Variants in EXOC4 observed in about 807,000 individuals in gnomAD.
The protein encoded by EXOC4 is SEC8-like 1.
Under a neutral mutation model 107.2 loss-of-function variants are expected in EXOC4, and 71 were observed. That is an observed-to-expected ratio of 0.66 (90% CI 0.55 to 0.81). The LOEUF is 0.81. EXOC4 is among the 30% of genes least tolerant of loss of function. EXOC4 has a pLI of 0.00. For missense variants in EXOC4, 1,108 were observed against 1,189.6 expected, an observed-to-expected ratio of 0.93 and a Z score of 1.01; for synonymous variants, 456 against 441.2, an observed-to-expected ratio of 1.03 and a Z score of -0.42.
At chr7:133,758,957 A>C (rs1372224835) in intron 10 of EXOC4, among the ~76,000 whole-genome samples, 1 of 152,118 alleles carries the variant, frequency 6.6e-6, no homozygotes. Flanking sequence ...AAAATGCTGA[A>C]ATTTTGAGGT....
At position 133,622,079 on chromosome 7, in the gene EXOC4, A is replaced by G. The variant is rs955542096; in HGVS notation, c.1418-7966A>G. ...AACCTTGCACTCCTGGACTCAAGCTATCTTCCTGCCTCAGCCTCCCAAGTA... is the reference window on the plus strand; with the variant it reads ...AACCTTGCACTCCTGGACTCAAGCTGTCTTCCTGCCTCAGCCTCCCAAGTA... On this transcript the variant is annotated intron_variant, in intron 9 of 17. Transcript: ENST00000253861. Among the ~76,000 whole-genome samples, 3 of 152,208 alleles carry G rather than the reference A, an allele frequency of 2.0e-5. No homozygotes were observed. In the South Asian group the frequency reaches 6.2e-4, roughly 32 times the overall value.
At chr7:133,932,906 GACC>G (rs1800211713) in intron 13 of EXOC4, among the ~76,000 whole-genome samples, 1 of 127,770 alleles carries the variant, frequency 7.8e-6, no homozygotes, top group African/African-American at 3.5e-5. Context: ...TGGGGAATAG[GACC>G]AGGAGAGAGA....
chr7:133,742,763 C>T (rs1431723083), intron 10 of EXOC4, among the ~76,000 whole-genome samples: 3 of 152,170 alleles, frequency 2.0e-5, no homozygotes, highest in African/African-American at 4.8e-5. Flanking sequence ...AAAGGGAACA[C>T]ATGTAGCTCG....
intron 12 of EXOC4, among the ~76,000 whole-genome samples, chr7:133,903,358 A>T (rs1004743535): frequency 6.6e-6 from 1 of 152,216 alleles, no homozygotes; most frequent in African/African-American, 2.4e-5. Flanking sequence ...GACCACCTAA[A>T]GGCCACAGTG....
intron 17 of EXOC4, among the ~76,000 whole-genome samples, chr7:134,044,939 G>T (rs1269020187): frequency 6.6e-6 from 1 of 152,170 alleles, no homozygotes; most frequent in Non-Finnish European, 1.5e-5. Context: ...GGGAGGTAGG[G>T]TATGATAGTG....
At chr7:133,929,820 C>T (rs1800136559) in intron 13 of EXOC4, among the ~76,000 whole-genome samples, 1 of 152,088 alleles carries the variant, frequency 6.6e-6, no homozygotes, top group South Asian at 2.1e-4. Flanking sequence ...CTCTCTCTTC[C>T]TTCCTCCTAA....
intron 9 of EXOC4, among the ~76,000 whole-genome samples, chr7:133,514,671 C>T (rs1297394409): frequency 6.6e-6 from 1 of 152,000 alleles, no homozygotes; most frequent in African/African-American, 2.4e-5. Flanking sequence ...CAAGATGTAC[C>T]AGAGTTCTTA....
intron 10 of EXOC4, among the ~76,000 whole-genome samples, chr7:133,712,587 A>G (rs1440924338): frequency 6.6e-6 from 1 of 152,020 alleles, no homozygotes; most frequent in Admixed American, 6.6e-5. Context: ...TAATTTCACT[A>G]TTCACTCCTA....
At chr7:133,685,005 A>G (rs1470112916) in intron 10 of EXOC4, among the ~76,000 whole-genome samples, 3 of 152,230 alleles carry the variant, frequency 2.0e-5, no homozygotes, top group Non-Finnish European at 4.4e-5. Context: ...TCTTGGCAAA[A>G]GCAAGCAGTT....
intron 10 of EXOC4, among the ~76,000 whole-genome samples, chr7:133,816,070 A>G (rs1256769683): frequency 1.3e-5 from 2 of 152,214 alleles, no homozygotes; most frequent in Admixed American, 1.3e-4. Flanking sequence ...AGACATTGGA[A>G]GAAGGGATGT....
In EXOC4 at chr7:133,817,563, C is replaced by T. The variant is rs1797402065; in HGVS notation, c.1734+19C>T. 6.4e-7 allele frequency: 1 copy of T among 1,560,848 alleles called. No individual in the cohort carries two copies. The highest frequency in any genetic ancestry group is 8.8e-7 in the Non-Finnish European group (1 of 1,135,012). ...CCTACAGGTAATAATACACTTTGAA[C>T]TTACTATTTTTATCAGCAATTTTCA... On this transcript the variant is annotated intron_variant, in intron 11 of 17. Coordinates refer to ENST00000253861, the MANE Select transcript of EXOC4 (RefSeq NM_021807.4).
At chr7:134,097,766 TAGGGATAGACA>T in the EXOC4 span, among the ~76,000 whole-genome samples, 1 of 152,156 alleles carries the variant, frequency 6.6e-6, no homozygotes, top group Non-Finnish European at 1.5e-5. Flanking sequence ...TCAGCCTCCC[TAGGGATAGACA>T]CTAAGGTGTT....
At chr7:133,347,899 C>T (rs1408497612) in intron 5 of EXOC4, among the ~76,000 whole-genome samples, 2 of 151,996 alleles carry the variant, frequency 1.3e-5, no homozygotes, top group African/African-American at 2.4e-5. Flanking sequence ...TCATTAAGAC[C>T]CTCAGAGCAG....
chr7:133,855,111 A>ATC (rs1467195812), intron 11 of EXOC4, among the ~76,000 whole-genome samples: 1 of 97,956 alleles, frequency 1.0e-5, no homozygotes, highest in South Asian at 3.0e-4. Flanking sequence ...ATAAATATAT[A>ATC]TAAATATATA....
chr7:133,599,934 C>T (rs1175756184), intron 9 of EXOC4, among the ~76,000 whole-genome samples: 2 of 131,456 alleles, frequency 1.5e-5, no homozygotes, highest in East Asian at 4.6e-4. Context: ...GGGTCTCACT[C>T]CTGTCTCCCA....
intron 7 of EXOC4, among the ~76,000 whole-genome samples, chr7:133,467,584 C>CT (rs35955637): frequency 0.35 from 42,981 of 122,594 alleles, 7,578 homozygotes; most frequent in Middle Eastern, 0.49. Context: ...ATTACAGATT[C>CT]TTTTTTTTTT....
intron 7 of EXOC4, among the ~76,000 whole-genome samples, chr7:133,421,808 C>A (rs1163858896): frequency 2.0e-5 from 3 of 152,108 alleles, no homozygotes; most frequent in Non-Finnish European, 4.4e-5. Flanking sequence ...TCCCCCAATG[C>A]CTACATAATT....
At chr7:133,509,922 C>T (rs1390782175) in intron 9 of EXOC4, among the ~76,000 whole-genome samples, 2 of 152,182 alleles carry the variant, frequency 1.3e-5, no homozygotes, top group African/African-American at 4.8e-5. Context: ...CTTCTTTTCA[C>T]CTAGTGAAAT....
intron 9 of EXOC4, among the ~76,000 whole-genome samples, chr7:133,495,851 T>C (rs1799467172): frequency 6.6e-6 from 1 of 152,204 alleles, no homozygotes; most frequent in Non-Finnish European, 1.5e-5. Flanking sequence ...GTTCATAACA[T>C]AGGCATGTGT....
Sources: allele counts gnomAD v4.1 joint callset (sites outside exome capture counted in the v4.1 genomes callset), GRCh38; gene constraint gnomAD v4.1.1; transcripts MANE v1.5; gene names NCBI Gene and HGNC (gene_info 2026-07-23, HGNC 2026-07-21).